HYCC1: variants seen among roughly 807,000 people sequenced by gnomAD.
HYCC1 encodes hyccin PI4KA lipid kinase complex subunit 1, also known as hyccin.
chr7:22,970,253 T>C, the HYCC1 span, among the ~76,000 whole-genome samples: 3 of 139,460 alleles, frequency 2.2e-5, no homozygotes, highest in African/African-American at 5.2e-5. Context: ...GTTTTATAAC[T>C]AGGAAAACTA....
At chr7:22,929,670 G>A in the HYCC1 span, among the ~76,000 whole-genome samples, 18 of 152,150 alleles carry the variant, frequency 1.2e-4, no homozygotes, top group Non-Finnish European at 2.1e-4. Flanking sequence ...TTAGAATGGT[G>A]ATCATTAAAA....
At chr7:22,989,168 A>G in the HYCC1 span, among the ~76,000 whole-genome samples, 171 of 152,294 alleles carry the variant, frequency 1.1e-3, no homozygotes, top group African/African-American at 3.9e-3. Context: ...CATCATTAAC[A>G]TAAGAATGCC....
the HYCC1 span, among the ~76,000 whole-genome samples, chr7:22,979,454 G>T: frequency 6.6e-6 from 1 of 152,154 alleles, no homozygotes; most frequent in East Asian, 1.9e-4. Context: ...GAAAAACAGA[G>T]GGGCAGGAGG....
the HYCC1 span, among the ~76,000 whole-genome samples, chr7:23,013,624 C>G: frequency 6.6e-6 from 1 of 152,118 alleles, no homozygotes; most frequent in African/African-American, 2.4e-5. Context: ...AAGGAAAGAC[C>G]CGAGTCGCGC....
chr7:22,898,276 C>T, the HYCC1 span, among the ~76,000 whole-genome samples: 29 of 151,752 alleles, frequency 1.9e-4, no homozygotes, highest in Middle Eastern at 3.4e-3. Flanking sequence ...TGCAGTGGCG[C>T]GATCTCGGCT....
the HYCC1 span, among the ~76,000 whole-genome samples, chr7:22,915,829 T>C: frequency 6.6e-6 from 1 of 152,284 alleles, no homozygotes; most frequent in Non-Finnish European, 1.5e-5. Flanking sequence ...TTTTATGGGC[T>C]TCTTTTTAGT....
the HYCC1 span, among the ~76,000 whole-genome samples, chr7:22,996,597 TA>T: frequency 0.091 from 9,618 of 106,074 alleles, 612 homozygotes; most frequent in African/African-American, 0.2. Flanking sequence ...GTACAATTGT[TA>T]AAAAAAAAAA....
At chr7:22,976,004 G>A in the HYCC1 span, among the ~76,000 whole-genome samples, 7 of 152,168 alleles carry the variant, frequency 4.6e-5, no homozygotes, top group African/African-American at 1.7e-4. Context: ...ACAGACATGA[G>A]CTATCGCATC....
At chr7:22,914,831 C>T in the HYCC1 span, among the ~76,000 whole-genome samples, 30 of 152,216 alleles carry the variant, frequency 2.0e-4, no homozygotes, top group African/African-American at 4.8e-4. Flanking sequence ...CCTCAGCCTC[C>T]GCTCCCCTAC....
At chr7:22,953,235 C>G in the HYCC1 span, among the ~76,000 whole-genome samples, 8 of 151,808 alleles carry the variant, frequency 5.3e-5, no homozygotes, top group Non-Finnish European at 1.2e-4. Flanking sequence ...TAGCACAGAC[C>G]AAAAACAGGT....
At chr7:22,915,690 T>C in the HYCC1 span, among the ~76,000 whole-genome samples, 1 of 152,200 alleles carries the variant, frequency 6.6e-6, no homozygotes, top group Non-Finnish European at 1.5e-5. Context: ...ATACGGAGGC[T>C]ACCTACTCTG....
chr7:23,011,129 C>T, the HYCC1 span, among the ~76,000 whole-genome samples: 2 of 152,194 alleles, frequency 1.3e-5, no homozygotes, highest in African/African-American at 4.8e-5. Flanking sequence ...CCTGATGGTC[C>T]TCCTACCTTG....
At chr7:22,978,544 C>T in the HYCC1 span, 7 of 1,048,522 alleles carry the variant, frequency 6.7e-6, no homozygotes, top group Non-Finnish European at 1.0e-5. Flanking sequence ...TGGTAAAAAT[C>T]ATATCTTTTT....
the HYCC1 span, among the ~76,000 whole-genome samples, chr7:22,932,155 T>C: frequency 6.6e-6 from 1 of 152,178 alleles, no homozygotes; most frequent in Middle Eastern, 3.2e-3. Flanking sequence ...GATGGAGTTA[T>C]CTAGAAACAA....
At chr7:22,911,619 G>T in the HYCC1 span, among the ~76,000 whole-genome samples, 1 of 152,152 alleles carries the variant, frequency 6.6e-6, no homozygotes, top group Non-Finnish European at 1.5e-5. Flanking sequence ...TCAGCTGGGC[G>T]TGGTGGCGCA....
At chr7:22,977,683 T>C in the HYCC1 span, among the ~76,000 whole-genome samples, 5 of 152,208 alleles carry the variant, frequency 3.3e-5, no homozygotes, top group Non-Finnish European at 7.4e-5. Flanking sequence ...TCCTTGATCT[T>C]ACTCATGTAA....
the HYCC1 span, among the ~76,000 whole-genome samples, chr7:22,958,068 A>G: frequency 7.9e-5 from 12 of 152,020 alleles, no homozygotes; most frequent in Non-Finnish European, 1.6e-4. Context: ...AATTGTCTAT[A>G]TATCTAAGAA....
At chr7:22,898,544 G>T in the HYCC1 span, among the ~76,000 whole-genome samples, 3 of 149,586 alleles carry the variant, frequency 2.0e-5, no homozygotes, top group African/African-American at 4.9e-5. Flanking sequence ...ACAGGGCAGG[G>T]TTTCCCCATG....
the HYCC1 span, among the ~76,000 whole-genome samples, chr7:22,954,704 T>G: frequency 2.4e-5 from 3 of 126,458 alleles, no homozygotes; most frequent in African/African-American, 8.6e-5. Flanking sequence ...CTTGCAGTAC[T>G]TATTTTGCAT....
Sources: allele counts gnomAD v4.1 joint callset (sites outside exome capture counted in the v4.1 genomes callset), GRCh38; gene constraint gnomAD v4.1.1; transcripts MANE v1.5; gene names NCBI Gene and HGNC (gene_info 2026-07-23, HGNC 2026-07-21).